Variants in JAKMIP3 observed in about 807,000 individuals in gnomAD.
The protein encoded by JAKMIP3 is Janus kinase and microtubule interacting protein 3.
JAKMIP3 carries 58 observed loss-of-function variants against 118.5 expected under a neutral mutation model. The ratio of observed to expected loss-of-function variants is 0.49; its 90% confidence interval spans 0.40 to 0.61. The LOEUF (loss-of-function observed/expected upper bound fraction) is 0.61. Among genes scored for constraint, JAKMIP3 ranks in the 20% least tolerant of loss-of-function variants. The pLI is 0.00. For synonymous variants in JAKMIP3, 486 were observed against 451.2 expected, an observed-to-expected ratio of 1.08 and a Z score of -0.98; for missense variants, 950 against 1,109.0, an observed-to-expected ratio of 0.86 and a Z score of 2.04.
intron 19 of JAKMIP3, among the ~76,000 whole-genome samples, chr10:132,155,968 C>A (rs1002904445): frequency 2.0e-5 from 3 of 152,180 alleles, no homozygotes; most frequent in Non-Finnish European, 4.4e-5. Flanking sequence ...GCACAGGCTG[C>A]TGTGCGCTTA....
intron 21 of JAKMIP3, 60 bp downstream of exon 21, chr10:132,164,795 C>A: frequency 8.5e-7 from 1 of 1,172,232 alleles, no homozygotes; most frequent in Non-Finnish European, 1.3e-6. Context: ...AACCCGGTGT[C>A]ACCCCGACCT....
At chr10:132,053,359 C>G (rs1230055780) in intron 1 of JAKMIP3, among the ~76,000 whole-genome samples, 2 of 152,202 alleles carry the variant, frequency 1.3e-5, no homozygotes, top group Non-Finnish European at 2.9e-5. Flanking sequence ...TCCTCTTACC[C>G]TAAGGGTTTG....
intron 23 of JAKMIP3, among the ~76,000 whole-genome samples, chr10:132,181,805 CG>C (rs1353980575): frequency 2.8e-4 from 39 of 138,392 alleles, no homozygotes; most frequent in Non-Finnish European, 5.5e-4. Context: ...TCTGTCCCAG[CG>C]TGCCCTCACT....
rs1214705992 is a variant in JAKMIP3, at chr10:132,180,652, C to CGTGT, written c.*1104-1703_*1104-1700dup. Among the ~76,000 whole-genome samples the CGTGT allele has an allele frequency of 1.7e-3, 15 of 8,676 alleles. 1 individual carries two copies. Among genetic ancestry groups the CGTGT allele is most frequent in the African/African-American group, 2.3e-3 (4 of 1,758 alleles). The allele number at this position is 8,676 out of a possible 152,430, so 5.7% of individuals were successfully genotyped here. On this transcript the variant is annotated intron_variant, in intron 23 of 23. Coordinates refer to ENST00000684848, the MANE Select transcript of JAKMIP3 (RefSeq NM_001323087.2). ...GTGTGTGCGTGCGTGTGTGCGTGTG[C>CGTGT]GTGTGCGTGTGTGCGTGTGTGTGCG... is the stretch of plus-strand genomic sequence containing the variant.
intron 2 of JAKMIP3, among the ~76,000 whole-genome samples, chr10:132,111,036 T>G (rs1227397792): frequency 6.6e-6 from 1 of 152,192 alleles, no homozygotes; most frequent in East Asian, 1.9e-4. Flanking sequence ...GAGCCCCAAC[T>G]CTTGGAACTG....
chr10:132,086,597 T>C (rs550297091), intron 1 of JAKMIP3, among the ~76,000 whole-genome samples: 1 of 152,362 alleles, frequency 6.6e-6, no homozygotes, highest in South Asian at 2.1e-4. Flanking sequence ...ACAAGGCCTT[T>C]TATCATTATA....
At chr10:132,180,724 T>TGCGTGC (rs71228746) in intron 23 of JAKMIP3, among the ~76,000 whole-genome samples, 1 of 19,110 alleles carries the variant, frequency 5.2e-5, no homozygotes, top group Admixed American at 7.0e-4. Context: ...TGTGTGCGTG[T>TGCGTGC]GTGTGCGTGT....
At position 132,153,891 on chromosome 10, in the gene JAKMIP3, G is replaced by C. The variant is rs572336293; in HGVS notation, c.2143-22G>C. ...TGCAGGTGGGACATCCGAGACCGAG[G>C]CATGGCCCTCCTGTGTTTCAGGAGC... On this transcript the variant is annotated intron_variant, in intron 18 of 23. Coordinates refer to ENST00000684848, the MANE Select transcript of JAKMIP3 (RefSeq NM_001323087.2). 106 of 1,613,004 alleles carry C rather than the reference G, an allele frequency of 6.6e-5. 2 individuals carry two copies. In the South Asian group the frequency reaches 1.1e-3, roughly 17 times the overall value.
intron 3 of JAKMIP3, among the ~76,000 whole-genome samples, chr10:132,130,497 C>G (rs1387275613): frequency 6.6e-6 from 1 of 152,238 alleles, no homozygotes; most frequent in Non-Finnish European, 1.5e-5. Context: ...GCAGACTCCT[C>G]TGGAGGAAGA....
intron 23 of JAKMIP3, among the ~76,000 whole-genome samples, chr10:132,177,572 C>G (rs568349484): frequency 9.9e-5 from 14 of 141,354 alleles, no homozygotes; most frequent in East Asian, 8.6e-4. Flanking sequence ...CGCACCTGCT[C>G]CTGTGCCCTG....
At chr10:132,103,509 G>T (rs2045418987) in intron 1 of JAKMIP3, among the ~76,000 whole-genome samples, 1 of 133,038 alleles carries the variant, frequency 7.5e-6, no homozygotes, top group Non-Finnish European at 1.6e-5. Context: ...GGAGTAGCTT[G>T]GTGGGGGGAG....
chr10:132,155,335 C>G (rs2056963629), intron 19 of JAKMIP3, among the ~76,000 whole-genome samples: 2 of 152,198 alleles, frequency 1.3e-5, no homozygotes, highest in African/African-American at 4.8e-5. Context: ...GGCACAGAAG[C>G]TGGTGACCTG....
At chr10:132,089,680 C>G (rs2042869284) in intron 1 of JAKMIP3, among the ~76,000 whole-genome samples, 1 of 152,166 alleles carries the variant, frequency 6.6e-6, no homozygotes, top group African/African-American at 2.4e-5. Context: ...TTCCTCTTTT[C>G]CTAATTGAAT....
At position 132,134,726 on chromosome 10, in the gene JAKMIP3, C is replaced by T. The variant is rs1047101609; in HGVS notation, c.850-315C>T. Among the ~76,000 whole-genome samples the T allele has an allele frequency of 3.3e-5, 5 of 152,350 alleles. No homozygotes were observed. In the South Asian group the frequency reaches 6.2e-4, roughly 19 times the overall value. On this transcript the variant is annotated intron_variant, in intron 4 of 23. Transcript: ENST00000684848. ...CTCGCGGTTTCTGCATTTGCACGCC[C>T]CCGCCCTCTCCATCTGCATACTTCT...
intron 1 of JAKMIP3, among the ~76,000 whole-genome samples, chr10:132,070,349 T>C (rs1254662462): frequency 2.0e-5 from 3 of 152,154 alleles, no homozygotes; most frequent in Non-Finnish European, 4.4e-5. Context: ...GGTTTCGCCA[T>C]GTTGGTCAGG....
intron 23 of JAKMIP3, among the ~76,000 whole-genome samples, chr10:132,175,782 T>C (rs1241228712): frequency 6.6e-6 from 1 of 152,250 alleles, no homozygotes; most frequent in East Asian, 1.9e-4. Flanking sequence ...GTTCAGGATG[T>C]ATCCACAGTT....
chr10:132,167,821 G>A (rs575332632), intron 22 of JAKMIP3, 132 bp from the exon 23 acceptor site: 29 of 374,736 alleles, frequency 7.7e-5, no homozygotes, highest in Non-Finnish European at 1.2e-4. Flanking sequence ...CTCACCCCTC[G>A]GCCCTCACCC....
At chr10:132,058,280 G>C (rs2038299387) in intron 1 of JAKMIP3, among the ~76,000 whole-genome samples, 1 of 152,250 alleles carries the variant, frequency 6.6e-6, no homozygotes, top group South Asian at 2.1e-4. Flanking sequence ...GAGGGCCTCA[G>C]AGCTGATCTC....
At chr10:132,122,818 A>AG (rs1447071690) in intron 3 of JAKMIP3, among the ~76,000 whole-genome samples, 2 of 152,218 alleles carry the variant, frequency 1.3e-5, no homozygotes, top group African/African-American at 4.8e-5. Flanking sequence ...CCAGTGGGTC[A>AG]GGGACGCCCT....
Sources: allele counts gnomAD v4.1 joint callset (sites outside exome capture counted in the v4.1 genomes callset), GRCh38; gene constraint gnomAD v4.1.1; transcripts MANE v1.5; gene names NCBI Gene and HGNC (gene_info 2026-07-23, HGNC 2026-07-21).